KIZ: variants seen among roughly 807,000 people sequenced by gnomAD.
The protein encoded by KIZ is centrosomal protein kizuna.
In KIZ, 68 loss-of-function variants were observed where a neutral mutation model predicts 79.6. The ratio of observed to expected loss-of-function variants is 0.85; its 90% CI spans 0.70 to 1.05. The LOEUF (loss-of-function observed/expected upper bound fraction) is 1.05, where lower values mean the gene tolerates loss of function less well. Among genes scored for constraint, KIZ ranks in the 50% least tolerant of loss-of-function variants. The pLI is 0.00. For missense variants in KIZ, 797 were observed against 800.4 expected, an observed-to-expected ratio of 1.00 and a Z score of 0.05; for synonymous variants, 280 against 281.8, an observed-to-expected ratio of 0.99 and a Z score of 0.06.
chr20:21,166,326 T>C (rs1331568067), intron 6 of KIZ: 2 of 1,604,710 alleles, frequency 1.2e-6, no homozygotes, highest in Admixed American at 1.7e-5. Context: ...AAGCAGATTA[T>C]TCTGCCATTT....
chr20:21,149,527 G>C (rs1035210335), intron 4 of KIZ, among the ~76,000 whole-genome samples: 1 of 152,258 alleles, frequency 6.6e-6, no homozygotes, highest in African/African-American at 2.4e-5. Context: ...ACAGGAGGCA[G>C]CTGTGTGCCT....
At chr20:21,237,971 AG>A (rs1265824023) in intron 11 of KIZ, among the ~76,000 whole-genome samples, 3 of 152,200 alleles carry the variant, frequency 2.0e-5, no homozygotes, top group Non-Finnish European at 4.4e-5. Context: ...CTGAGACCAC[AG>A]GCACATGCCA....
At position 21,162,260 on chromosome 20, in the gene KIZ, A is replaced by C. The variant is rs1439038056; in HGVS notation, c.795A>C (p.Leu265Phe). The change falls in exon 5 of 13, where the codon TTA becomes TTC. Residue 265 changes from leucine to phenylalanine, a missense_variant. Physicochemically the swap from Leu to Phe is conservative, Grantham distance 22. Coordinates refer to ENST00000619189, the MANE Select transcript of KIZ (RefSeq NM_018474.6). ...GSNTRHGKSN[L>F]SEGKKSAELN... ...ACACACGTCATGGCAAGAGTAATTT[A>C]TCTGAAGGCAAAAAGTCTGCTGAAC... 1 of 1,614,040 alleles carries C rather than the reference A, an allele frequency of 6.2e-7. No individual in the cohort carries two copies. Among genetic ancestry groups the C allele is most frequent in the Non-Finnish European group, 8.5e-7 (1 of 1,179,876 alleles).
rs754547088 is a variant in KIZ at position 21,215,650 on chromosome 20, T to C, written c.1678+2T>C. 11 of 1,592,426 alleles carry C rather than the reference T, an allele frequency of 6.9e-6. No homozygotes were observed. The highest frequency in any genetic ancestry group is 1.7e-4 in the Middle Eastern group (1 of 6,048). ...TGGCTGCAGATATCCCAATCACAGGTAAAGCTATGGTTGCCTAAGAGTTTC... is the reference window on the plus strand; with the variant it reads ...TGGCTGCAGATATCCCAATCACAGGCAAAGCTATGGTTGCCTAAGAGTTTC... On this transcript the variant is annotated splice_donor_variant, in intron 9 of 12. Transcript: ENST00000619189. LOFTEE classifies it high-confidence loss of function.
In KIZ at chr20:21,233,145, G is replaced by C. The variant is rs532774585; in HGVS notation, c.1880+315G>C. On this transcript the variant is annotated intron_variant, in intron 11 of 12. Coordinates refer to ENST00000619189, the MANE Select transcript of KIZ (RefSeq NM_018474.6). ...CACACAATGGAGGTTGTCAGAAAAA[G>C]GGCAGAGAGAAAACATCAGGCCTTA... Among the ~76,000 whole-genome samples the C allele has an allele frequency of 2.0e-5, 3 of 152,292 alleles. No homozygotes were observed. In the South Asian group the frequency reaches 6.2e-4, roughly 32 times the overall value.
intron 4 of KIZ, among the ~76,000 whole-genome samples, chr20:21,146,841 A>C (rs1055310236): frequency 2.6e-5 from 4 of 152,114 alleles, no homozygotes; most frequent in Admixed American, 6.5e-5. Context: ...TAAAAAAAAA[A>C]CCCTAGAACT....
intron 3 of KIZ, among the ~76,000 whole-genome samples, chr20:21,138,098 C>T (rs2032303400): frequency 6.6e-6 from 1 of 152,138 alleles, no homozygotes; most frequent in African/African-American, 2.4e-5. Context: ...AGCTCGTATT[C>T]AGATTTCCCC....
chr20:21,160,596 A>G (rs1437698417), intron 4 of KIZ, among the ~76,000 whole-genome samples: 2 of 152,072 alleles, frequency 1.3e-5, no homozygotes, highest in African/African-American at 2.4e-5. Context: ...TCTCCTAATT[A>G]TTGGAGGGGT....
intron 6 of KIZ, among the ~76,000 whole-genome samples, chr20:21,165,130 A>G (rs184949766): frequency 1.3e-5 from 2 of 152,310 alleles, no homozygotes; most frequent in East Asian, 1.9e-4. Flanking sequence ...CAATATTTCA[A>G]TTGACTTTAG....
chr20:21,143,968 G>A (rs2032714378), intron 3 of KIZ: 1 of 152,184 alleles, frequency 6.6e-6, no homozygotes. Context: ...GTATCTCTCT[G>A]ACTTCATTGT....
At chr20:21,183,672 C>T (rs1242801432) in intron 6 of KIZ, among the ~76,000 whole-genome samples, 1 of 152,114 alleles carries the variant, frequency 6.6e-6, no homozygotes, top group African/African-American at 2.4e-5. Context: ...AAAACTGATA[C>T]AGAAACAGTA....
chr20:21,244,412 T>C (rs2037322462), intron 12 of KIZ, 124 bp downstream of exon 12: 3 of 708,482 alleles, frequency 4.2e-6, no homozygotes, highest in Non-Finnish European at 7.5e-6. Context: ...GGGACTGCCA[T>C]TGCAGCTGTC....
chr20:21,142,103 T>A (rs768717227), intron 3 of KIZ, among the ~76,000 whole-genome samples: 1 of 151,782 alleles, frequency 6.6e-6, no homozygotes, highest in Non-Finnish European at 1.5e-5. Flanking sequence ...ACACTCTCTC[T>A]CACACATACA....
In KIZ at chr20:21,211,257, C is replaced by T. The variant is rs2036056177; in HGVS notation, c.1447-3278C>T. On this transcript the variant is annotated intron_variant, in intron 7 of 12. Transcript: ENST00000619189. ...TAAAGGAATAGTACTGTAGGTGTAA[C>T]TCATAGAACGATTTATCTGCCATAA... 2.0e-5 allele frequency among the ~76,000 whole-genome samples: 3 copies of T among 152,154 alleles called. No individual in the cohort carries two copies. In the South Asian group the frequency reaches 6.2e-4, roughly 31 times the overall value.
At chr20:21,209,649 C>G (rs1317269836) in intron 7 of KIZ, among the ~76,000 whole-genome samples, 1 of 152,226 alleles carries the variant, frequency 6.6e-6, no homozygotes, top group African/African-American at 2.4e-5. Context: ...TTGATGCTTG[C>G]ATTTCTCTTT....
At chr20:21,145,168 T>C (rs539596344) in intron 3 of KIZ, among the ~76,000 whole-genome samples, 1 of 126,482 alleles carries the variant, frequency 7.9e-6, no homozygotes, top group Non-Finnish European at 1.8e-5. Context: ...GATTGATTTT[T>C]TTTGTTTGTT....
At chr20:21,190,454 G>T (rs2035062781) in intron 6 of KIZ, among the ~76,000 whole-genome samples, 1 of 152,194 alleles carries the variant, frequency 6.6e-6, no homozygotes, top group South Asian at 2.1e-4. Flanking sequence ...AGACCTCTCT[G>T]GTTCCCAGTT....
chr20:21,164,076 A>G (rs1485816707), intron 6 of KIZ, among the ~76,000 whole-genome samples: 2 of 152,108 alleles, frequency 1.3e-5, no homozygotes, highest in Non-Finnish European at 2.9e-5. Context: ...TGAATGTCAC[A>G]CCACTGCCCC....
intron 1 of KIZ, among the ~76,000 whole-genome samples, chr20:21,127,266 C>T (rs1050582555): frequency 6.6e-6 from 1 of 152,132 alleles, no homozygotes; most frequent in Non-Finnish European, 1.5e-5. Context: ...CACCGCTCAC[C>T]CATATCAGTG....
Sources: gnomAD v4.1 joint callset for allele counts (sites outside exome capture counted in the v4.1 genomes callset) on GRCh38, gnomAD v4.1.1 for gene constraint, MANE v1.5 for transcripts, NCBI Gene and HGNC (gene_info 2026-07-23, HGNC 2026-07-21) for gene names.